Variants in TOLLIP observed in about 807,000 individuals in gnomAD.
The protein encoded by TOLLIP is toll-interacting protein.
TOLLIP carries 16 observed loss-of-function variants against 33.5 expected under a neutral mutation model. That is an observed-to-expected ratio of 0.48 (90% CI 0.32 to 0.72). The LOEUF (loss-of-function observed/expected upper bound fraction) is 0.72. TOLLIP is among the 30% of genes least tolerant of loss of function. The pLI is 0.03. For missense variants in TOLLIP, 325 were observed against 396.6 expected (o/e 0.82, Z 1.53); for synonymous variants, 176 against 163.7 (o/e 1.07, Z -0.57).
chr11:1,302,503 C>CGG, intron 1 of TOLLIP: 1 of 891,082 alleles, frequency 1.1e-6, no homozygotes, highest in Non-Finnish European at 1.3e-6. Context: ...AGGAAAACTG[C>CGG]AATTCCCCAT....
chr11:1,285,187 C>T (rs1347446421), intron 5 of TOLLIP, among the ~76,000 whole-genome samples: 2 of 152,226 alleles, frequency 1.3e-5, no homozygotes, highest in Non-Finnish European at 2.9e-5. Flanking sequence ...TAGCGCCCTG[C>T]CCGCAACTTG....
Position 1,295,783 on chromosome 11 carries a change from A to G in TOLLIP, c.45T>C (p.Gly15=), listed in dbSNP as rs922467421. ...TGCGGAGGAAGTCCTGCGGGAGCTCACCGATGTACACCTGCGGGGCCGGGG... is the reference window on the plus strand; with the variant it reads ...TGCGGAGGAAGTCCTGCGGGAGCTCGCCGATGTACACCTGCGGGGCCGGGG... The part of the protein sequence containing the change: ...VSTQRGPVYI[G]ELPQDFLRIT... Residue 15 remains glycine, a synonymous_variant, in exon 2 of 6, where the codon GGT becomes GGC. Coordinates refer to ENST00000317204, the MANE Select transcript of TOLLIP (RefSeq NM_019009.4). The G allele has an allele frequency of 1.3e-6, 2 of 1,570,832 alleles. No homozygotes were observed. Among genetic ancestry groups the G allele is most frequent in the Non-Finnish European group, 1.7e-6 (2 of 1,156,866 alleles).
In TOLLIP at chr11:1,290,622, C is replaced by T. The variant is rs1364352748; in HGVS notation, c.184-213G>A. On this transcript the variant is annotated intron_variant, in intron 2 of 5. Coordinates refer to ENST00000317204, the MANE Select transcript of TOLLIP (RefSeq NM_019009.4). This position sits in a 1 kb window ranked among gnomAD's most constrained non-coding sequence, Gnocchi z 4.9. ...ACAGATGGATCGTGCAGTTCTGAGA[C>T]AAAGCACGTGGCTCGTCCTTGACAG... Among the ~76,000 whole-genome samples the T allele has an allele frequency of 3.3e-5, 5 of 152,176 alleles. No individual in the cohort carries two copies. Among genetic ancestry groups the T allele is most frequent in the Non-Finnish European group, 5.9e-5 (4 of 68,022 alleles).
chr11:1,277,345 C>A lies in TOLLIP; in HGVS notation c.611-92G>T. On this transcript the variant is annotated intron_variant, in intron 5 of 5. Transcript: ENST00000317204. This position sits in a 1 kb window ranked among gnomAD's most constrained non-coding sequence, Gnocchi z 4.2. ...TGAAGGAAGAAAACAACGCATCCCA[C>A]CGGCCTCCCTGAGGAAGGGGCCACC... 4.5e-6 allele frequency: 5 copies of A among 1,099,454 alleles called. No individual in the cohort carries two copies. In the East Asian group the frequency reaches 8.0e-5, roughly 18 times the overall value. 68.1% of individuals were successfully genotyped at this position (1,099,454 alleles called of 1,614,324 possible). A position where few individuals can be genotyped will look rare whatever the true frequency, so the allele number is the denominator to read the frequency against.
chr11:1,283,473 G>A, intron 5 of TOLLIP: 1 of 391,108 alleles, frequency 2.6e-6, no homozygotes, highest in Non-Finnish European at 5.0e-6. Context: ...GCATGCCTGG[G>A]CATGGGGGCT....
intron 5 of TOLLIP, 74 bp downstream of exon 5, chr11:1,285,928 C>T (rs1863676665): frequency 8.1e-7 from 1 of 1,239,948 alleles, no homozygotes; most frequent in African/African-American, 1.5e-5. Flanking sequence ...AAGCCCCGTT[C>T]CCTCCTCCCG....
At position 1,309,461 on chromosome 11, in the gene TOLLIP, C is replaced by A; in HGVS notation, c.33+5G>T. The A allele has an allele frequency of 7.6e-7, 1 of 1,321,292 alleles. No homozygotes were observed. The allele number at this position is 1,321,292 out of a possible 1,614,324, so 81.8% of individuals were successfully genotyped here. On this transcript the variant is annotated splice_donor_5th_base_variant and intron_variant, in intron 1 of 5. Transcript: ENST00000317204. Reference sequence around the variant, plus strand: ...CCCCGCCCGACCCTCGCCCGGCTGCCTCACCGGCCCGCGCTGAGTGCTGAC... The same window carrying A: ...CCCCGCCCGACCCTCGCCCGGCTGCATCACCGGCCCGCGCTGAGTGCTGAC...
intron 1 of TOLLIP, among the ~76,000 whole-genome samples, chr11:1,299,459 G>A (rs190334482): frequency 6.6e-6 from 1 of 152,226 alleles, no homozygotes; most frequent in Admixed American, 6.5e-5. Flanking sequence ...TTTCAGTGAC[G>A]ACACTCGGTC....
chr11:1,308,061 C>T (rs1399324427), intron 1 of TOLLIP, among the ~76,000 whole-genome samples: 1 of 152,236 alleles, frequency 6.6e-6, no homozygotes, highest in Admixed American at 6.5e-5. Context: ...TTTCCACCCA[C>T]GGCATGTTCA....
Position 1,290,499 on chromosome 11 carries a change from C to A in TOLLIP, c.184-90G>T. 1.6e-6 allele frequency: 2 copies of A among 1,271,278 alleles called. No individual in the cohort carries two copies. The highest frequency in any genetic ancestry group is 1.1e-6 in the Non-Finnish European group (1 of 902,666). The allele number at this position is 1,271,278 out of a possible 1,614,324, so 78.7% of individuals were successfully genotyped here. On this transcript the variant is annotated intron_variant, in intron 2 of 5. Coordinates refer to ENST00000317204, the MANE Select transcript of TOLLIP (RefSeq NM_019009.4). The surrounding 1 kb of genome is among the most constrained non-coding windows in gnomAD (Gnocchi z 4.9). ...CCGTCTGCCTCCCTGAACCCTTCCA[C>A]GAGGCCTTTTCCTAACACATAGACT...
intron 4 of TOLLIP, among the ~76,000 whole-genome samples, chr11:1,288,216 T>G (rs1590214975): frequency 6.6e-6 from 1 of 152,164 alleles, no homozygotes; most frequent in South Asian, 2.1e-4. Context: ...ATGCCTGCCC[T>G]GTGGGGAGGA....
intron 4 of TOLLIP, among the ~76,000 whole-genome samples, chr11:1,288,207 T>C (rs1015691629): frequency 3.5e-4 from 54 of 152,264 alleles, no homozygotes; most frequent in African/African-American, 1.2e-3. Flanking sequence ...CCACGGCCAA[T>C]GCCTGCCCTG....
chr11:1,309,611 G>A lies in TOLLIP; in HGVS notation c.-113C>T, dbSNP rs973230641. On this transcript the variant is annotated 5_prime_UTR_variant, in exon 1 of 6. Transcript: ENST00000317204. ...CAGTTGTCACCTCGAGGCCGCCGCCGCCACAGTCAGCTGACAGCCGCCGCG... is the reference window on the plus strand; with the variant it reads ...CAGTTGTCACCTCGAGGCCGCCGCCACCACAGTCAGCTGACAGCCGCCGCG... The A allele has an allele frequency of 2.5e-6, 1 of 401,976 alleles. No individual in the cohort carries two copies. Among genetic ancestry groups the A allele is most frequent in the Non-Finnish European group, 4.1e-6 (1 of 243,958 alleles). 24.9% of individuals were successfully genotyped at this position (401,976 alleles called of 1,614,324 possible). A position where few individuals can be genotyped will look rare whatever the true frequency, so the allele number is the denominator to read the frequency against.
chr11:1,299,061 A>G (rs954188208), intron 1 of TOLLIP, among the ~76,000 whole-genome samples: 1 of 152,246 alleles, frequency 6.6e-6, no homozygotes. Context: ...CCCCCAGCTC[A>G]GCGCCACAGC....
Position 1,286,111 on chromosome 11 carries a change from G to A in TOLLIP, c.520-19C>T. On this transcript the variant is annotated intron_variant, in intron 4 of 5. Transcript: ENST00000317204. Reference sequence around the variant, plus strand: ...GAAGCAGCTGAAACACAGCGGAGATGGTCCCGGGGTCAAGGAGGAACATCC... The same window carrying A: ...GAAGCAGCTGAAACACAGCGGAGATAGTCCCGGGGTCAAGGAGGAACATCC... The A allele has an allele frequency of 6.4e-7, 1 of 1,568,604 alleles. No individual in the cohort carries two copies. Among genetic ancestry groups the A allele is most frequent in the East Asian group, 2.3e-5 (1 of 43,634 alleles).
intron 1 of TOLLIP, among the ~76,000 whole-genome samples, chr11:1,307,455 G>C (rs1864450113): frequency 6.6e-6 from 1 of 152,172 alleles, no homozygotes; most frequent in East Asian, 1.9e-4. Context: ...GAACAGGAAG[G>C]GCCTGCCTCC....
At chr11:1,288,574 T>G (rs1237560904) in intron 4 of TOLLIP, 50 bp downstream of exon 4, 1 of 1,564,988 alleles carries the variant, frequency 6.4e-7, no homozygotes, top group South Asian at 1.2e-5. Context: ...AGCCCCGACG[T>G]GCTCCAACAT....
intron 1 of TOLLIP, among the ~76,000 whole-genome samples, chr11:1,306,847 T>C (rs1222057521): frequency 1.3e-5 from 2 of 151,620 alleles, no homozygotes; most frequent in African/African-American, 4.8e-5. Context: ...CCTCTCCACC[T>C]CCAGACCCCA....
intron 5 of TOLLIP, among the ~76,000 whole-genome samples, chr11:1,280,982 C>G (rs1863479725): frequency 1.3e-5 from 2 of 152,216 alleles, no homozygotes; most frequent in African/African-American, 4.8e-5. Context: ...CTGCTGTTGC[C>G]AGCCTGGCGG....
Sources: gnomAD v4.1 joint callset for allele counts (sites outside exome capture counted in the v4.1 genomes callset) on GRCh38, gnomAD v4.1.1 for gene constraint, Gnocchi (gnomAD v3.1) non-coding constraint, MANE v1.5 for transcripts, NCBI Gene and HGNC (gene_info 2026-07-23, HGNC 2026-07-21) for gene names.